The following AFAP1L1 variants were observed in gnomAD, a reference collection of about 807,000 sequenced individuals.
AFAP1L1 encodes the protein actin filament-associated protein 1-like 1.
A neutral mutation model predicts 99.8 loss-of-function variants in AFAP1L1; 77 were observed. That is an observed-to-expected ratio of 0.77 (90% CI 0.64 to 0.93). The LOEUF is 0.93. Among genes scored for constraint, AFAP1L1 ranks in the 40% least tolerant of loss-of-function variants. The pLI is 0.00. For synonymous variants in AFAP1L1, 373 were observed against 395.3 expected, an observed-to-expected ratio of 0.94 and a Z score of 0.67; for missense variants, 893 against 996.8, an observed-to-expected ratio of 0.90 and a Z score of 1.40.
intron 10 of AFAP1L1, 37 bp downstream of exon 10, chr5:149,315,951 G>T: frequency 6.2e-7 from 1 of 1,611,432 alleles, no homozygotes; most frequent in Non-Finnish European, 8.5e-7. Context: ...GGGAATGCTG[G>T]AACTGGGCCG....
chr5:149,278,838 C>T (rs1252885250), intron 1 of AFAP1L1, among the ~76,000 whole-genome samples: 1 of 152,166 alleles, frequency 6.6e-6, no homozygotes. Flanking sequence ...GTGGTGCTTG[C>T]CCCTCTCTCC....
chr5:149,327,487 G>A (rs1187640865), intron 15 of AFAP1L1, among the ~76,000 whole-genome samples: 1 of 151,994 alleles, frequency 6.6e-6, no homozygotes, highest in Non-Finnish European at 1.5e-5. Context: ...CAGTTATATG[G>A]AATATAGCTA....
intron 1 of AFAP1L1, among the ~76,000 whole-genome samples, chr5:149,278,954 G>A (rs1178425350): frequency 1.3e-5 from 2 of 152,128 alleles, no homozygotes; most frequent in African/African-American, 4.8e-5. Context: ...CCACGATTTG[G>A]CCTCCAGTTC....
intron 11 of AFAP1L1, among the ~76,000 whole-genome samples, chr5:149,317,444 A>T (rs936227976): frequency 6.6e-6 from 1 of 152,140 alleles, no homozygotes; most frequent in Admixed American, 6.5e-5. Flanking sequence ...AAGGCAAAAG[A>T]GTTGTGTTTT....
At position 149,290,462 on chromosome 5, in the gene AFAP1L1, C is replaced by G. The variant is rs556651304; in HGVS notation, c.17-9047C>G. The stretch of plus-strand genomic sequence containing the variant: ...GAGGCACAGGTAGTTACGGGAGTGC[C>G]CCAGAGGTACACAGTTTGGAAATTG... On this transcript the variant is annotated intron_variant, in intron 1 of 18. Transcript: ENST00000296721. 3.3e-5 allele frequency among the ~76,000 whole-genome samples: 5 copies of G among 152,198 alleles called. No individual in the cohort carries two copies. The East Asian group carries it at 9.6e-4, about 29-fold the overall frequency.
At chr5:149,286,083 C>T (rs529415189) in intron 1 of AFAP1L1, among the ~76,000 whole-genome samples, 9 of 152,234 alleles carry the variant, frequency 5.9e-5, no homozygotes, top group East Asian at 5.8e-4. Context: ...ATCAGCCTCC[C>T]GGAGGAAGTG....
chr5:149,336,949 C>T (rs1757423030), intron 18 of AFAP1L1, among the ~76,000 whole-genome samples: 1 of 152,116 alleles, frequency 6.6e-6, no homozygotes, highest in East Asian at 1.9e-4. Context: ...GGCAGCAGCA[C>T]AGAATGTCTG....
At chr5:149,307,651 A>G (rs781118180) in intron 7 of AFAP1L1, 38 bp downstream of exon 7, 3 of 1,595,790 alleles carry the variant, frequency 1.9e-6, no homozygotes, top group Admixed American at 1.7e-5. Flanking sequence ...TCGGCCTCAC[A>G]TGGACTTGCA....
At chr5:149,307,678 C>T in intron 7 of AFAP1L1, 65 bp downstream of exon 7, 3 of 1,524,950 alleles carry the variant, frequency 2.0e-6, no homozygotes, top group South Asian at 1.2e-5. Context: ...TGTGTCTCTA[C>T]ATACATGTGG....
intron 9 of AFAP1L1, among the ~76,000 whole-genome samples, chr5:149,315,257 G>A (rs1036390271): frequency 7.9e-5 from 12 of 152,076 alleles, no homozygotes; most frequent in South Asian, 4.2e-4. Context: ...CCTCTCCTCC[G>A]AGTTAGGATC....
At chr5:149,304,596 G>C (rs1190171769) in intron 5 of AFAP1L1, among the ~76,000 whole-genome samples, 3 of 152,218 alleles carry the variant, frequency 2.0e-5, no homozygotes, top group African/African-American at 7.2e-5. Context: ...GGAAGGGCCA[G>C]GAACCTTGTG....
chr5:149,277,844 G>T (rs888083553), intron 1 of AFAP1L1, among the ~76,000 whole-genome samples: 12 of 152,082 alleles, frequency 7.9e-5, no homozygotes, highest in African/African-American at 2.9e-4. Context: ...CTCTGCAATG[G>T]GTGTAAGGAG....
intron 11 of AFAP1L1, 48 bp from the exon 12 acceptor site, chr5:149,317,681 G>A: frequency 6.3e-7 from 1 of 1,599,206 alleles, no homozygotes; most frequent in East Asian, 2.2e-5. Flanking sequence ...GCGTCCCCAT[G>A]CTGTCCCAGG....
chr5:149,316,257 C>G lies in AFAP1L1; in HGVS notation c.1221C>G (p.Ala407=). The G allele has an allele frequency of 6.2e-7, 1 of 1,614,060 alleles. No homozygotes were observed. The highest frequency in any genetic ancestry group is 8.5e-7 in the Non-Finnish European group (1 of 1,180,002). ...IIGFSKKKTL[A]DDLQTSSTEE... ...GCTTCTCCAAGAAGAAGACACTGGC[C>G]GATGACCTGCAGACGTCCTCCACCG... Residue 407 remains alanine, a synonymous_variant, in exon 11 of 19, where the codon GCC becomes GCG. Coordinates refer to ENST00000296721, the MANE Select transcript of AFAP1L1 (RefSeq NM_152406.4).
intron 17 of AFAP1L1, among the ~76,000 whole-genome samples, chr5:149,333,948 A>G (rs978281857): frequency 1.3e-5 from 2 of 152,154 alleles, no homozygotes; most frequent in Non-Finnish European, 2.9e-5. Flanking sequence ...TGCTTGTCCA[A>G]TGTCTGTCTT....
At position 149,320,058 on chromosome 5, in the gene AFAP1L1, T is replaced by C. The variant is rs1311406339; in HGVS notation, c.1625+331T>C. The stretch of plus-strand genomic sequence containing the variant: ...CACGTGGCTAGTATATGGCATTTGG[T>C]ACTAGAAGAGCCAAGTTCGAGTCCC... On this transcript the variant is annotated intron_variant, in intron 13 of 18. Transcript: ENST00000296721. This position sits in a 1 kb window ranked among gnomAD's most constrained non-coding sequence, Gnocchi z 4.0. Among the ~76,000 whole-genome samples, 1 of 152,190 alleles carries C rather than the reference T, an allele frequency of 6.6e-6. No homozygotes were observed. Among genetic ancestry groups the C allele is most frequent in the African/African-American group, 2.4e-5 (1 of 41,454 alleles).
In AFAP1L1 at chr5:149,320,828, G is replaced by C. The variant is rs140054904; in HGVS notation, c.1698+365G>C. On this transcript the variant is annotated intron_variant, in intron 14 of 18. Coordinates refer to ENST00000296721, the MANE Select transcript of AFAP1L1 (RefSeq NM_152406.4). This position sits in a 1 kb window ranked among gnomAD's most constrained non-coding sequence, Gnocchi z 4.0. The stretch of plus-strand genomic sequence containing the variant: ...GTGTCTGGGGCAGGTCCTGACTCTG[G>C]GACCACCCCGCAAGCCTTCACCTGG... 3.9e-3 allele frequency among the ~76,000 whole-genome samples: 601 copies of C among 152,298 alleles called. 1 individual carries two copies. Among genetic ancestry groups the C allele is most frequent in the African/African-American group, 0.014 (576 of 41,564 alleles).
chr5:149,321,895 G>C (rs1337592636), intron 14 of AFAP1L1, among the ~76,000 whole-genome samples: 1 of 152,086 alleles, frequency 6.6e-6, no homozygotes, highest in Non-Finnish European at 1.5e-5. Flanking sequence ...GCTGGGCATG[G>C]TGATGCACAT....
chr5:149,300,818 G>T (rs1756180420), intron 3 of AFAP1L1, among the ~76,000 whole-genome samples: 1 of 152,256 alleles, frequency 6.6e-6, no homozygotes, highest in South Asian at 2.1e-4. Flanking sequence ...CTTGGTGAGA[G>T]AGTTTTGGGG....
Sources: gnomAD v4.1 joint callset for allele counts (sites outside exome capture counted in the v4.1 genomes callset) on GRCh38, gnomAD v4.1.1 for gene constraint, Gnocchi (gnomAD v3.1) non-coding constraint, MANE v1.5 for transcripts, NCBI Gene and HGNC (gene_info 2026-07-23, HGNC 2026-07-21) for gene names.